Variants in DNAH6 observed in about 807,000 individuals in gnomAD.
DNAH6 encodes dynein axonemal heavy chain 6.
In DNAH6, 340 loss-of-function variants were observed where a neutral mutation model predicts 491.4. The ratio of observed to expected loss-of-function variants is 0.69; its 90% CI spans 0.63 to 0.76. The LOEUF is 0.76. Ranked by LOEUF, DNAH6 falls within the 30% of genes least tolerant of loss-of-function variation. The pLI is 0.00. For missense variants in DNAH6, 4,443 were observed against 4,972.2 expected, an observed-to-expected ratio of 0.89 and a Z score of 3.20; for synonymous variants, 1,603 against 1,686.1, an observed-to-expected ratio of 0.95 and a Z score of 1.21.
chr2:84,522,380 C>T (rs1188128636), intron 2 of DNAH6, among the ~76,000 whole-genome samples: 1 of 151,962 alleles, frequency 6.6e-6, no homozygotes, highest in East Asian at 1.9e-4. Flanking sequence ...TTTGGGCAGA[C>T]TATGGGGTTT....
intron 64 of DNAH6, among the ~76,000 whole-genome samples, chr2:84,770,718 C>T (rs1675520042): frequency 3.3e-5 from 5 of 152,050 alleles, no homozygotes; most frequent in Admixed American, 2.6e-4. Context: ...TGTAGTGGCT[C>T]ACACCTGTAA....
chr2:84,648,391 A>G (rs961972699), intron 33 of DNAH6, among the ~76,000 whole-genome samples: 1 of 152,248 alleles, frequency 6.6e-6, no homozygotes, highest in Non-Finnish European at 1.5e-5. Flanking sequence ...GTGATGCTCT[A>G]TCTGCCATTG....
chr2:84,621,295 C>T lies in DNAH6; in HGVS notation c.3897C>T (p.Ala1299=). The change falls in exon 25 of 77, where the codon GCC becomes GCT. Residue 1299 remains alanine (A), a synonymous_variant. Coordinates refer to ENST00000389394, the MANE Select transcript of DNAH6 (RefSeq NM_001370.2). ...FTSLRRLCKA[A]IADYQGKLRT... is the part of the protein sequence containing the mutation. ...CTCTGCGTCGCCTGTGCAAAGCTGCCATCGCTGACTATCAGGGGAAACTGA... is the reference window on the plus strand; with the variant it reads ...CTCTGCGTCGCCTGTGCAAAGCTGCTATCGCTGACTATCAGGGGAAACTGA... The T allele has an allele frequency of 6.4e-7, 1 of 1,551,612 alleles. No homozygotes were observed. The highest frequency in any genetic ancestry group is 8.7e-7 in the Non-Finnish European group (1 of 1,146,912).
intron 4 of DNAH6, among the ~76,000 whole-genome samples, chr2:84,543,704 A>G (rs559174659): frequency 6.6e-6 from 1 of 152,320 alleles, no homozygotes; most frequent in Non-Finnish European, 1.5e-5. Context: ...AAGAATGTCC[A>G]TGACAACAGT....
intron 69 of DNAH6, 50 bp from the exon 70 acceptor site, chr2:84,797,487 C>G: frequency 6.5e-7 from 1 of 1,526,848 alleles, no homozygotes. Flanking sequence ...CTTGGCAGTA[C>G]AAAGCCAGTC....
Position 84,533,710 on chromosome 2 carries a change from A to G in DNAH6, c.662+4544A>G, listed in dbSNP as rs1677400958. ...CAAATTTAACCAAAGAGCTGATAAG[A>G]ATTTGTTTACTTCCATTTTCTAAAT... On this transcript the variant is annotated intron_variant, in intron 4 of 76. Transcript: ENST00000389394. Among the ~76,000 whole-genome samples the G allele has an allele frequency of 2.0e-5, 3 of 152,278 alleles. No individual in the cohort carries two copies. In the South Asian group the frequency reaches 6.2e-4, roughly 32 times the overall value.
At chr2:84,663,146 C>A (rs919346038) in intron 37 of DNAH6, among the ~76,000 whole-genome samples, 1 of 152,180 alleles carries the variant, frequency 6.6e-6, no homozygotes. Context: ...GAAACCAGAG[C>A]AGAAAAGCTG....
In DNAH6 at chr2:84,544,191, T is replaced by A. The variant is rs1249233594; in HGVS notation, c.663-42T>A. 25 of 1,075,840 alleles carry A rather than the reference T, an allele frequency of 2.3e-5. No individual in the cohort carries two copies. The South Asian group carries it at 5.5e-4, about 24-fold the overall frequency. 66.6% of individuals were successfully genotyped at this position (1,075,840 alleles called of 1,614,324 possible). A position where few individuals can be genotyped will look rare whatever the true frequency, so the allele number is the denominator to read the frequency against. Reference sequence around the variant, plus strand: ...GCAATGCAATTGCTTCATTTTGTATTGAATACTTTATTTATTAGTCCCAAT... The same window carrying A: ...GCAATGCAATTGCTTCATTTTGTATAGAATACTTTATTTATTAGTCCCAAT... On this transcript the variant is annotated intron_variant, in intron 4 of 76. Transcript: ENST00000389394.
intron 65 of DNAH6, among the ~76,000 whole-genome samples, chr2:84,783,990 A>G (rs1199315923): frequency 1.3e-5 from 2 of 152,182 alleles, no homozygotes; most frequent in Non-Finnish European, 2.9e-5. Context: ...ATCTGAGGGA[A>G]CAGCCAGTGC....
At chr2:84,737,967 T>TTC (rs1672162684) in intron 62 of DNAH6, among the ~76,000 whole-genome samples, 1 of 152,170 alleles carries the variant, frequency 6.6e-6, no homozygotes, top group African/African-American at 2.4e-5. Flanking sequence ...CATTTCTAAC[T>TTC]TCTCGATGTA....
chr2:84,648,598 C>G (rs564937043), intron 33 of DNAH6, among the ~76,000 whole-genome samples: 2 of 152,294 alleles, frequency 1.3e-5, no homozygotes, highest in South Asian at 4.1e-4. Flanking sequence ...GAGGAAGTAA[C>G]TACAGATGTG....
intron 4 of DNAH6, among the ~76,000 whole-genome samples, chr2:84,533,540 C>T (rs1363914624): frequency 2.0e-5 from 3 of 151,978 alleles, no homozygotes; most frequent in African/African-American, 4.8e-5. Flanking sequence ...GTGTATATGG[C>T]GAATGTACCT....
At chr2:84,533,616 G>T (rs774470641) in intron 4 of DNAH6, among the ~76,000 whole-genome samples, 1 of 152,140 alleles carries the variant, frequency 6.6e-6, no homozygotes, top group Non-Finnish European at 1.5e-5. Flanking sequence ...AATTGATCAT[G>T]TATTAGTGGG....
chr2:84,694,206 T>G, intron 45 of DNAH6, 43 bp from the exon 46 acceptor site: 2 of 1,523,208 alleles, frequency 1.3e-6, no homozygotes, highest in Non-Finnish European at 1.8e-6. Flanking sequence ...GCAGGAGCCA[T>G]GTCTGTGAAC....
intron 44 of DNAH6, among the ~76,000 whole-genome samples, chr2:84,688,238 C>CAAAAAA (rs34421243): frequency 1.0e-5 from 1 of 95,848 alleles, no homozygotes. Context: ...GACTCCATCT[C>CAAAAAA]AAAAAAAAAA....
chr2:84,693,178 T>A (rs1453356638), intron 45 of DNAH6, among the ~76,000 whole-genome samples: 1 of 152,190 alleles, frequency 6.6e-6, no homozygotes, highest in Non-Finnish European at 1.5e-5. Flanking sequence ...ATGCCATTTG[T>A]TTCTCCGAGA....
chr2:84,613,374 G>A (rs1686520568), intron 22 of DNAH6, among the ~76,000 whole-genome samples: 1 of 152,120 alleles, frequency 6.6e-6, no homozygotes, highest in Non-Finnish European at 1.5e-5. Flanking sequence ...GAAGGGCTTA[G>A]GAGGTGAAGC....
Position 84,813,987 on chromosome 2 carries a change from T to C in DNAH6, c.12015T>C (p.His4005=). The part of the protein sequence containing the change: ...QGFLTGTLQN[H]ARKYNLPIDE... The stretch of plus-strand genomic sequence containing the variant: ...CAATTACAGGAACTCTTCAAAATCA[T>C]GCTCGAAAATACAATTTGCCTATAG... Residue 4005 remains histidine (H), a synonymous_variant, in exon 75 of 77, where the codon CAT becomes CAC. Coordinates refer to ENST00000389394, the MANE Select transcript of DNAH6 (RefSeq NM_001370.2). The C allele has an allele frequency of 6.4e-7, 1 of 1,551,730 alleles. No homozygotes were observed. Among genetic ancestry groups the C allele is most frequent in the South Asian group, 1.2e-5 (1 of 84,056 alleles).
the DNAH6 span, among the ~76,000 whole-genome samples, chr2:84,479,650 G>T: frequency 2.6e-5 from 4 of 152,206 alleles, no homozygotes; most frequent in African/African-American, 9.6e-5. Context: ...TACCCACTCT[G>T]TAGTGGGAAG....
Sources: gnomAD v4.1 joint callset for allele counts (sites outside exome capture counted in the v4.1 genomes callset) on GRCh38, gnomAD v4.1.1 for gene constraint, MANE v1.5 for transcripts, NCBI Gene and HGNC (gene_info 2026-07-23, HGNC 2026-07-21) for gene names.